The following MYH11 variants were observed in gnomAD, a reference collection of about 807,000 sequenced individuals.
The protein encoded by MYH11 is myosin heavy chain 11, also known as myosin-11.
MYH11 carries 80 observed loss-of-function variants against 246.6 expected under a neutral mutation model. The ratio of observed to expected loss-of-function variants is 0.32; its 90% CI spans 0.27 to 0.39. MYH11 has a LOEUF of 0.39. MYH11 is among the 10% of genes least tolerant of loss of function. The pLI is 1.00. For missense variants in MYH11, 2,158 were observed against 2,546.8 expected, an observed-to-expected ratio of 0.85 and a Z score of 3.29; for synonymous variants, 1,071 against 1,015.5, an observed-to-expected ratio of 1.05 and a Z score of -1.04.
chr16:15,832,560 C>T (rs570870192), intron 2 of MYH11, among the ~76,000 whole-genome samples: 2 of 152,318 alleles, frequency 1.3e-5, no homozygotes, highest in East Asian at 3.9e-4. Flanking sequence ...CTTTTTCGAG[C>T]AATGCCAGAA....
intron 40 of MYH11, chr16:15,713,123 A>G (rs1296922616): frequency 6.6e-6 from 1 of 151,954 alleles, no homozygotes; most frequent in Non-Finnish European, 1.5e-5. Flanking sequence ...CCATTTGCTG[A>G]TGGAGCAAAT....
intron 6 of MYH11, among the ~76,000 whole-genome samples, chr16:15,781,009 G>A (rs1363641657): frequency 1.3e-5 from 2 of 152,158 alleles, no homozygotes; most frequent in African/African-American, 2.4e-5. Context: ...CTAAGTGTCT[G>A]TCTCTTACTG....
At position 15,724,639 on chromosome 16, in the gene MYH11, G is replaced by T. The variant is rs1341251401; in HGVS notation, c.4116+8C>A. The T allele has an allele frequency of 6.2e-7, 1 of 1,613,762 alleles. No individual in the cohort carries two copies. Among genetic ancestry groups the T allele is most frequent in the Non-Finnish European group, 8.5e-7 (1 of 1,180,032 alleles). On this transcript the variant is annotated splice_region_variant and intron_variant, in intron 30 of 40. Coordinates refer to ENST00000300036, the MANE Select transcript of MYH11 (RefSeq NM_002474.3). ...CCCATGAAGGAAGCAAGGACACGGG[G>T]CAGGCACCTGGATGTTGAGAGTGGA...
At position 15,786,940 on chromosome 16, in the gene MYH11, C is replaced by A. The variant is rs34658351; in HGVS notation, c.531-208G>T. Among the ~76,000 whole-genome samples, 3,755 of 152,234 alleles carry A rather than the reference C, an allele frequency of 0.025. 58 individuals carry two copies. Among genetic ancestry groups the A allele is most frequent in the East Asian group, 0.11 (576 of 5,178 alleles). ...GCCTAGGTCCAATGCCCAATCTATTCCTTCCAAGAGGACATAGAAAAGAAT... is the reference window on the plus strand; with the variant it reads ...GCCTAGGTCCAATGCCCAATCTATTACTTCCAAGAGGACATAGAAAAGAAT... On this transcript the variant is annotated intron_variant, in intron 4 of 40. Transcript: ENST00000300036.
intron 28 of MYH11, chr16:15,726,616 CCT>C: frequency 1.7e-6 from 1 of 602,998 alleles, no homozygotes; most frequent in Non-Finnish European, 3.0e-6. Flanking sequence ...GATCCACCCA[CCT>C]CTGTCTCCCA....
At chr16:15,763,134 A>G (rs1362194459) in intron 10 of MYH11, among the ~76,000 whole-genome samples, 1 of 152,224 alleles carries the variant, frequency 6.6e-6, no homozygotes, top group Non-Finnish European at 1.5e-5. Context: ...AAGGGACATA[A>G]TTAAAATTTA....
At chr16:15,708,889 G>A in intron 40 of MYH11, 1 of 1,554,434 alleles carries the variant, frequency 6.4e-7, no homozygotes, top group Middle Eastern at 1.7e-4. Context: ...CAAACAAGAA[G>A]GAGCCCGGTT....
At chr16:15,784,953 C>T in intron 5 of MYH11, 2 of 496,790 alleles carry the variant, frequency 4.0e-6, no homozygotes, top group Non-Finnish European at 3.6e-6. Flanking sequence ...CCTGCCTCAG[C>T]CTCCCAAGTA....
At chr16:15,777,413 G>A (rs1047684166) in intron 7 of MYH11, among the ~76,000 whole-genome samples, 3 of 152,148 alleles carry the variant, frequency 2.0e-5, no homozygotes, top group African/African-American at 7.2e-5. Context: ...GAACCACCGT[G>A]CCTGGCTGAG....
intron 9 of MYH11, among the ~76,000 whole-genome samples, chr16:15,766,940 G>A (rs947377950): frequency 2.0e-5 from 3 of 152,192 alleles, no homozygotes; most frequent in Admixed American, 6.5e-5. Context: ...CAAAGCACGC[G>A]CTCTGCAGTT....
intron 4 of MYH11, among the ~76,000 whole-genome samples, chr16:15,793,040 T>C (rs1317498219): frequency 6.6e-6 from 1 of 152,040 alleles, no homozygotes; most frequent in Non-Finnish European, 1.5e-5. Context: ...CAGCCTGTCA[T>C]CCATTTTAGA....
intron 3 of MYH11, among the ~76,000 whole-genome samples, chr16:15,811,969 G>A (rs1381327995): frequency 6.6e-6 from 1 of 152,190 alleles, no homozygotes; most frequent in Non-Finnish European, 1.5e-5. Flanking sequence ...GACCCATGGA[G>A]GGGCTCCAAA....
Position 15,847,122 on chromosome 16 carries a change from A to G in MYH11, c.-17-8853T>C, listed in dbSNP as rs114138603. On this transcript the variant is annotated intron_variant, in intron 1 of 40. Transcript: ENST00000300036. ...GGCCACTTAAACACAGTTCAGTAGCATTAAGTATATTGATATTCTTGTGCA... is the reference window on the plus strand; with the variant it reads ...GGCCACTTAAACACAGTTCAGTAGCGTTAAGTATATTGATATTCTTGTGCA... Among the ~76,000 whole-genome samples the G allele has an allele frequency of 2.0e-3, 300 of 152,252 alleles. 3 individuals are homozygous for G. Among genetic ancestry groups the G allele is most frequent in the African/African-American group, 6.9e-3 (285 of 41,536 alleles).
intron 2 of MYH11, among the ~76,000 whole-genome samples, chr16:15,831,596 A>AGAT (rs2151374988): frequency 6.6e-6 from 1 of 152,124 alleles, no homozygotes; most frequent in Non-Finnish European, 1.5e-5. Context: ...GTCTTTGCAT[A>AGAT]GATTATCCTT....
intron 2 of MYH11, among the ~76,000 whole-genome samples, chr16:15,829,597 A>G (rs2043673297): frequency 6.6e-6 from 1 of 152,126 alleles, no homozygotes; most frequent in Non-Finnish European, 1.5e-5. Context: ...TTAAATTCAG[A>G]GGTTTCAACA....
At chr16:15,842,762 CAAAAAAAAAA>C (rs757920488) in intron 1 of MYH11, among the ~76,000 whole-genome samples, 15 of 19,674 alleles carry the variant, frequency 7.6e-4, no homozygotes, top group South Asian at 4.9e-3. Context: ...AGACTTCATC[CAAAAAAAAAA>C]AAAAAAAAAA....
In MYH11 at chr16:15,760,589, C is replaced by T. The variant is rs767036635; in HGVS notation, c.1199G>A (p.Arg400His). 6 of 1,614,092 alleles carry T rather than the reference C, an allele frequency of 3.7e-6. No homozygotes were observed. The Admixed American group carries it at 5.0e-5, about 13-fold the overall frequency. The change falls in exon 11 of 41, where the codon CGT (arginine) becomes CAT (histidine). Residue 400 changes from arginine (R) to histidine (H), a missense_variant. By Grantham distance (29) the Arg-to-His change is conservative (BLOSUM62 0). Around this residue, in one of 11 missense-constraint regions of MYH11, gnomAD observed 317 missense variants for 507.7 expected, o/e 0.62. Transcript: ENST00000300036. ...TDFTRSILTP[R>H]IKVGRDVVQK... ...TACCACATCTCGCCCAACCTTGATA[C>T]GAGGAGTGAGGATGGATCTGGTGAA...
chr16:15,706,561 GC>G (rs775967961), intron 40 of MYH11, among the ~76,000 whole-genome samples: 99 of 152,090 alleles, frequency 6.5e-4, no homozygotes, highest in Non-Finnish European at 1.4e-3. Flanking sequence ...TACTAAATTA[GC>G]CGTGCGTGGT....
At position 15,747,911 on chromosome 16, in the gene MYH11, T is replaced by C. The variant is rs1555560379; in HGVS notation, c.2213A>G (p.Lys738Arg). 2 of 1,613,644 alleles carry C rather than the reference T, an allele frequency of 1.2e-6. No homozygotes were observed. The highest frequency in any genetic ancestry group is 8.5e-7 in the Non-Finnish European group (1 of 1,179,980). ...GGCCTGCTTCCCGTCCATGAAGCCT[T>C]TGGGGATGGCATTCGCCGCCAGGAT... ...YEILAANAIPKGFMDGKQACI... is the reference protein window; with the variant it reads ...YEILAANAIPRGFMDGKQACI... Residue 738 changes from lysine to arginine, a missense_variant, in exon 18 of 41, where the codon AAA (lysine) becomes AGA (arginine). Coordinates refer to ENST00000300036, the MANE Select transcript of MYH11 (RefSeq NM_002474.3).
Sources: gnomAD v4.1 joint callset for allele counts (sites outside exome capture counted in the v4.1 genomes callset) on GRCh38, gnomAD v4.1.1 for gene constraint, gnomAD v4.1.1 regional missense constraint, MANE v1.5 for transcripts, NCBI Gene and HGNC (gene_info 2026-07-23, HGNC 2026-07-21) for gene names.